Variants in KCND3 observed in about 807,000 individuals in gnomAD.
KCND3 encodes the protein potassium voltage-gated channel subfamily D member 3.
Under a neutral mutation model 51.1 loss-of-function variants are expected in KCND3, and 9 were observed. The observed-to-expected ratio is 0.18, with a 90% CI of 0.11 to 0.31. The LOEUF is 0.31. KCND3 is among the 10% of genes least tolerant of loss of function. KCND3 has a pLI of 1.00. For missense variants in KCND3, 526 were observed against 903.8 expected (o/e 0.58, Z 5.36); for synonymous variants, 349 against 368.0 (o/e 0.95, Z 0.59).
intron 2 of KCND3, among the ~76,000 whole-genome samples, chr1:111,856,055 C>T (rs1668051081): frequency 6.6e-6 from 1 of 152,244 alleles, no homozygotes; most frequent in Non-Finnish European, 1.5e-5. Flanking sequence ...TGGCCAAACC[C>T]AGCCAGAAGC....
intron 2 of KCND3, among the ~76,000 whole-genome samples, chr1:111,936,583 A>G (rs1672233461): frequency 6.6e-6 from 1 of 152,146 alleles, no homozygotes; most frequent in Non-Finnish European, 1.5e-5. Context: ...GACAGGCAAG[A>G]GTTGAGGCTG....
chr1:111,866,626 C>A (rs1677533), intron 2 of KCND3, among the ~76,000 whole-genome samples: 65,711 of 117,766 alleles, frequency 0.56, 15,450 homozygotes, highest in Middle Eastern at 0.63. Context: ...ACACACACGG[C>A]TGAGAAGCTG....
chr1:111,791,234 G>C (rs1664811057), intron 2 of KCND3, among the ~76,000 whole-genome samples: 2 of 152,184 alleles, frequency 1.3e-5, no homozygotes, highest in Admixed American at 1.3e-4. Flanking sequence ...AGCTATCCTG[G>C]TGGGTGTTAT....
intron 2 of KCND3, among the ~76,000 whole-genome samples, chr1:111,898,939 T>C (rs916847502): frequency 5.9e-5 from 9 of 152,142 alleles, no homozygotes; most frequent in Non-Finnish European, 1.2e-4. Context: ...CTCAGCACCA[T>C]CTTACTGTTC....
intron 2 of KCND3, among the ~76,000 whole-genome samples, chr1:111,887,777 G>T (rs955767669): frequency 7.2e-5 from 11 of 152,228 alleles, no homozygotes; most frequent in African/African-American, 2.7e-4. Context: ...TCACTTCAAA[G>T]CATCCAGGAA....
At chr1:111,980,217 T>TGTGTGTGTGA (rs1674871035) in intron 2 of KCND3, among the ~76,000 whole-genome samples, 1 of 151,642 alleles carries the variant, frequency 6.6e-6, no homozygotes, top group Non-Finnish European at 1.5e-5. Flanking sequence ...TGTGTGTGTG[T>TGTGTGTGTGA]GTGTGTGTGT....
chr1:111,981,501 C>T lies in KCND3; in HGVS notation c.1106+120G>A, dbSNP rs1428574733. On this transcript the variant is annotated intron_variant, in intron 2 of 7. Coordinates refer to ENST00000302127, the MANE Select transcript of KCND3 (RefSeq NM_001378969.1). This position sits in a 1 kb window ranked among gnomAD's most constrained non-coding sequence, Gnocchi z 6.2. ...TCGGATAGAGCAACTTCCCCTGCCC[C>T]CAACACTTGGGTAAGGGACTCCCTC... is the stretch of plus-strand genomic sequence containing the variant. 1.4e-6 allele frequency: 2 copies of T among 1,451,690 alleles called. No homozygotes were observed. The highest frequency in any genetic ancestry group is 3.4e-5 in the Admixed American group (2 of 58,544). The allele number at this position is 1,451,690 out of a possible 1,614,324, so 89.9% of individuals were successfully genotyped here.
chr1:111,818,225 C>T (rs1666194803), intron 2 of KCND3, among the ~76,000 whole-genome samples: 1 of 152,166 alleles, frequency 6.6e-6, no homozygotes, highest in Non-Finnish European at 1.5e-5. Context: ...GGCCTCTGGG[C>T]AGGAGGGAAG....
intron 2 of KCND3, among the ~76,000 whole-genome samples, chr1:111,923,697 T>C (rs184718141): frequency 1.7e-4 from 26 of 152,292 alleles, no homozygotes; most frequent in African/African-American, 6.3e-4. Flanking sequence ...CATATTTCTG[T>C]CTCAATGAAA....
In KCND3 at chr1:111,775,818, G is replaced by GGCCCCC; in HGVS notation, c.*258_*259insGGGGGC. On this transcript the variant is annotated 3_prime_UTR_variant, in exon 8 of 8. Transcript: ENST00000302127. ...AGCCTATATCCCCCGGCCTATCCCCGACCCCCCCACCCTCCCTCCCTTCCT... is the reference window on the plus strand; with the variant it reads ...AGCCTATATCCCCCGGCCTATCCCCGGCCCCCACCCCCCCACCCTCCCTCCCTTCCT... 5 of 99,728 alleles carry GGCCCCC rather than the reference G, an allele frequency of 5.0e-5. No individual in the cohort carries two copies. The highest frequency in any genetic ancestry group is 1.2e-4 in the South Asian group (1 of 8,076). 6.2% of individuals were successfully genotyped at this position (99,728 alleles called of 1,614,324 possible).
chr1:111,813,615 G>A (rs1397979534), intron 2 of KCND3, among the ~76,000 whole-genome samples: 7 of 152,252 alleles, frequency 4.6e-5, no homozygotes, highest in South Asian at 2.1e-4. Flanking sequence ...CAAGGGGTCC[G>A]TGCCCCACAC....
intron 3 of KCND3, among the ~76,000 whole-genome samples, chr1:111,783,012 A>G (rs1664449830): frequency 6.6e-6 from 1 of 152,152 alleles, no homozygotes; most frequent in South Asian, 2.1e-4. Flanking sequence ...CAGGTGCTCA[A>G]GCAAAGTTTA....
chr1:111,805,234 A>G (rs1665511011), intron 2 of KCND3, among the ~76,000 whole-genome samples: 1 of 152,052 alleles, frequency 6.6e-6, no homozygotes, highest in South Asian at 2.1e-4. Flanking sequence ...GGGAAAAAAA[A>G]AGGTAAGAAA....
intron 2 of KCND3, among the ~76,000 whole-genome samples, chr1:111,935,366 C>T (rs991343340): frequency 6.6e-6 from 1 of 152,144 alleles, no homozygotes; most frequent in Non-Finnish European, 1.5e-5. Flanking sequence ...ATTATTTGTG[C>T]AACCACCTGC....
chr1:111,881,295 T>C (rs1669297203), intron 2 of KCND3, among the ~76,000 whole-genome samples: 1 of 152,206 alleles, frequency 6.6e-6, no homozygotes, highest in Non-Finnish European at 1.5e-5. Flanking sequence ...AGCACAGGCG[T>C]GAGCTCCTCG....
chr1:111,852,327 C>T (rs924470475), intron 2 of KCND3, among the ~76,000 whole-genome samples: 5 of 152,220 alleles, frequency 3.3e-5, no homozygotes, highest in Admixed American at 2.0e-4. Context: ...CAGCCTGCAG[C>T]CCTCAGCCCT....
chr1:111,822,897 C>A (rs1405526426), intron 2 of KCND3, among the ~76,000 whole-genome samples: 1 of 152,190 alleles, frequency 6.6e-6, no homozygotes, highest in Non-Finnish European at 1.5e-5. Context: ...GTGCTAAGAA[C>A]TTTATGTCAT....
chr1:111,923,898 C>T (rs541112589), intron 2 of KCND3, among the ~76,000 whole-genome samples: 2 of 152,306 alleles, frequency 1.3e-5, no homozygotes, highest in South Asian at 2.1e-4. Context: ...GCTTCAAGCA[C>T]CACCATGCAG....
At chr1:111,799,398 A>G (rs1043526630) in intron 2 of KCND3, among the ~76,000 whole-genome samples, 2 of 152,268 alleles carry the variant, frequency 1.3e-5, no homozygotes, top group Non-Finnish European at 2.9e-5. Flanking sequence ...CACAATGCAG[A>G]TGTGAAAAAG....
Sources: allele counts gnomAD v4.1 joint callset (sites outside exome capture counted in the v4.1 genomes callset), GRCh38; gene constraint gnomAD v4.1.1; non-coding constraint Gnocchi (gnomAD v3.1); transcripts MANE v1.5; gene names NCBI Gene and HGNC (gene_info 2026-07-23, HGNC 2026-07-21).